The following SLCO1A2 variants were observed in gnomAD, a reference collection of about 807,000 sequenced individuals.
SLCO1A2 encodes solute carrier organic anion transporter family member 1A2, also known as OATP-1.
Under a neutral mutation model 69.0 loss-of-function variants are expected in SLCO1A2, and 67 were observed. That is an observed-to-expected ratio of 0.97 (90% CI 0.80 to 1.19). SLCO1A2 has a LOEUF of 1.19. Among genes scored for constraint, SLCO1A2 ranks in the 50% most tolerant of loss-of-function variants. The pLI is 0.00. For synonymous variants in SLCO1A2, 260 were observed against 265.9 expected, an observed-to-expected ratio of 0.98 and a Z score of 0.22; for missense variants, 787 against 793.7, an observed-to-expected ratio of 0.99 and a Z score of 0.10.
chr12:21,292,000 C>CT lies in SLCO1A2; in HGVS notation c.1610+163dup, dbSNP rs1365434840. On this transcript the variant is annotated intron_variant, in intron 12 of 14. Transcript: ENST00000683939. ...AGCAGATGAACATGTGCATTGCTAA[C>CT]TTTAAAATTTTGTGAAATCCAACAA... Among the ~76,000 whole-genome samples the CT allele has an allele frequency of 2.0e-5, 3 of 152,118 alleles. No individual in the cohort carries two copies. In the East Asian group the frequency reaches 5.8e-4, roughly 29 times the overall value.
At chr12:21,330,511 A>C (rs1394120767) in intron 2 of SLCO1A2, among the ~76,000 whole-genome samples, 2 of 152,126 alleles carry the variant, frequency 1.3e-5, no homozygotes, top group Non-Finnish European at 2.9e-5. Context: ...CCTGCCTCAA[A>C]AAAAATAAAA....
At chr12:21,326,588 A>C (rs1013725970) in intron 2 of SLCO1A2, among the ~76,000 whole-genome samples, 12 of 152,182 alleles carry the variant, frequency 7.9e-5, no homozygotes, top group Admixed American at 5.2e-4. Context: ...TCTCAGATGG[A>C]GATGAGGAAC....
chr12:21,331,193 A>T (rs1466196348), intron 2 of SLCO1A2, among the ~76,000 whole-genome samples: 1 of 152,110 alleles, frequency 6.6e-6, no homozygotes, highest in Non-Finnish European at 1.5e-5. Flanking sequence ...TCCACAGAGA[A>T]AGAAAGGGTG....
intron 1 of SLCO1A2, among the ~76,000 whole-genome samples, chr12:21,404,606 T>C (rs1303483085): frequency 1.3e-5 from 2 of 152,210 alleles, no homozygotes; most frequent in Non-Finnish European, 2.9e-5. Flanking sequence ...ATGGTGTATA[T>C]ATACCACATT....
At chr12:21,333,842 AT>A (rs1045424392) in intron 2 of SLCO1A2, among the ~76,000 whole-genome samples, 5 of 151,774 alleles carry the variant, frequency 3.3e-5, no homozygotes, top group African/African-American at 4.8e-5. Flanking sequence ...AGGCAAGTCT[AT>A]TTTTTTTAGA....
chr12:21,336,382 T>A (rs1952891107), upstream of SLCO1A2, among the ~76,000 whole-genome samples: 1 of 151,822 alleles, frequency 6.6e-6, no homozygotes, highest in Non-Finnish European at 1.5e-5. Context: ...CCATGAATTG[T>A]GACACTAAGT....
At chr12:21,370,006 A>G (rs188459837) in intron 2 of SLCO1A2, among the ~76,000 whole-genome samples, 162 of 152,332 alleles carry the variant, frequency 1.1e-3, no homozygotes, top group African/African-American at 3.7e-3. Context: ...TCTGGCTATA[A>G]CAAAATCATT....
At position 21,294,033 on chromosome 12, in the gene SLCO1A2, C is replaced by T; in HGVS notation, c.1349G>A (p.Trp450Ter). 1 of 1,611,962 alleles carries T rather than the reference C, an allele frequency of 6.2e-7. No homozygotes were observed. The highest frequency in any genetic ancestry group is 8.5e-7 in the Non-Finnish European group (1 of 1,179,056). Residue 450 changes from tryptophan (W) to a stop codon, truncating the protein, a stop_gained, in exon 11 of 15, where the codon TGG becomes TAG. Coordinates refer to ENST00000683939, the MANE Select transcript of SLCO1A2 (RefSeq NM_001386879.1). LOFTEE classifies it high-confidence loss of function. ...NVDCNCPSKI[W>*]DPVCGNNGLS... Reference sequence around the variant, plus strand: ...GCCATTGTTTCCACACACAGGATCCCATATTTTAGATGGACAGTTGCAATC... The same window carrying T: ...GCCATTGTTTCCACACACAGGATCCTATATTTTAGATGGACAGTTGCAATC...
chr12:21,410,362 G>T (rs979413663), intron 1 of SLCO1A2, among the ~76,000 whole-genome samples: 1 of 152,122 alleles, frequency 6.6e-6, no homozygotes, highest in Admixed American at 6.6e-5. Context: ...TAGAGAGATC[G>T]AGGCTATATA....
chr12:21,307,523 T>G (rs1190874807), intron 4 of SLCO1A2, among the ~76,000 whole-genome samples: 1 of 152,202 alleles, frequency 6.6e-6, no homozygotes, highest in Non-Finnish European at 1.5e-5. Context: ...TGAGAGGCCT[T>G]AAGAGAATCT....
chr12:21,303,585 G>T (rs1203416768), intron 6 of SLCO1A2, among the ~76,000 whole-genome samples: 3 of 151,994 alleles, frequency 2.0e-5, no homozygotes, highest in Non-Finnish European at 2.9e-5. Context: ...TATACTAAAC[G>T]TTATGAGTTT....
At chr12:21,359,581 T>A (rs1030813855) in intron 2 of SLCO1A2, among the ~76,000 whole-genome samples, 2 of 152,112 alleles carry the variant, frequency 1.3e-5, no homozygotes, top group Non-Finnish European at 2.9e-5. Flanking sequence ...CACTAATAAA[T>A]GTCAATGGAC....
At chr12:21,297,655 A>G in intron 8 of SLCO1A2, 87 bp from the exon 9 acceptor site, 1 of 844,600 alleles carries the variant, frequency 1.2e-6, no homozygotes, top group Non-Finnish European at 1.8e-6. Context: ...CCTCCTCAAC[A>G]AATTATGTTT....
chr12:21,345,342 G>T (rs1953218570), intron 2 of SLCO1A2, among the ~76,000 whole-genome samples: 1 of 151,972 alleles, frequency 6.6e-6, no homozygotes, highest in South Asian at 2.1e-4. Context: ...CAATTCTTAT[G>T]ATGTAAGCAA....
chr12:21,373,637 G>C (rs1275352313), intron 2 of SLCO1A2: 3 of 700,570 alleles, frequency 4.3e-6, no homozygotes, highest in Non-Finnish European at 5.2e-6. Flanking sequence ...TGGAACTTCT[G>C]ACAGACAGGA....
chr12:21,350,879 G>A (rs1394990712), intron 2 of SLCO1A2, among the ~76,000 whole-genome samples: 1 of 146,020 alleles, frequency 6.8e-6, no homozygotes, highest in Admixed American at 6.9e-5. Flanking sequence ...TGTTTCTCTG[G>A]GAGGTGAAAT....
chr12:21,277,305 C>A (rs1944042152), intron 12 of SLCO1A2, among the ~76,000 whole-genome samples: 1 of 147,874 alleles, frequency 6.8e-6, no homozygotes, highest in South Asian at 2.1e-4. Flanking sequence ...CAGAAGGGAA[C>A]CTGCTGTCTT....
intron 12 of SLCO1A2, among the ~76,000 whole-genome samples, chr12:21,289,880 G>A (rs944964875): frequency 6.6e-6 from 1 of 151,602 alleles, no homozygotes; most frequent in Non-Finnish European, 1.5e-5. Flanking sequence ...TATGCAGATA[G>A]CACTAGAATT....
At chr12:21,292,098 T>G in intron 12 of SLCO1A2, 66 bp downstream of exon 12, 2 of 1,192,444 alleles carry the variant, frequency 1.7e-6, no homozygotes, top group Non-Finnish European at 2.3e-6. Context: ...CTGAGTGACT[T>G]TCTTAGAACA....
Sources: allele counts gnomAD v4.1 joint callset (sites outside exome capture counted in the v4.1 genomes callset), GRCh38; gene constraint gnomAD v4.1.1; transcripts MANE v1.5; gene names NCBI Gene and HGNC (gene_info 2026-07-23, HGNC 2026-07-21).